The following HNF4A variants were observed in gnomAD, a reference collection of about 807,000 sequenced individuals.
HNF4A encodes hepatocyte nuclear factor 4 alpha.
In HNF4A, 15 loss-of-function variants were observed where a neutral mutation model predicts 52.4. The ratio of observed to expected loss-of-function variants is 0.29; its 90% CI spans 0.19 to 0.44. The LOEUF is 0.44. Among genes scored for constraint, HNF4A ranks in the 20% least tolerant of loss-of-function variants. The pLI, the probability that HNF4A is intolerant of heterozygous loss-of-function variation, is 1.00. For missense variants in HNF4A, 479 were observed against 647.2 expected, an observed-to-expected ratio of 0.74 and a Z score of 2.82; for synonymous variants, 280 against 264.4, an observed-to-expected ratio of 1.06 and a Z score of -0.57.
At chr20:44,416,616 A>G (rs2063668946) in intron 5 of HNF4A, among the ~76,000 whole-genome samples, 1 of 152,208 alleles carries the variant, frequency 6.6e-6, no homozygotes, top group South Asian at 2.1e-4. Context: ...TTTTCCTCAC[A>G]GGTTTCTATC....
intron 1 of HNF4A, among the ~76,000 whole-genome samples, chr20:44,368,142 A>G (rs1196645982): frequency 8.4e-4 from 5 of 5,970 alleles, no homozygotes; most frequent in African/African-American, 3.9e-3. Flanking sequence ...GTGTATATAC[A>G]TATATATATA....
chr20:44,423,469 T>A lies in HNF4A; in HGVS notation c.893-549T>A, dbSNP rs548100514. On this transcript the variant is annotated intron_variant, in intron 7 of 9. Transcript: ENST00000316099. ...AAACAGGAGGGACACAGGATACAGATATAGGAGGGTAGAAGGCAGACTTCC... is the reference window on the plus strand; with the variant it reads ...AAACAGGAGGGACACAGGATACAGAAATAGGAGGGTAGAAGGCAGACTTCC... Among the ~76,000 whole-genome samples, 20 of 152,122 alleles carry A rather than the reference T, an allele frequency of 1.3e-4. No individual in the cohort carries two copies. The East Asian group carries it at 3.3e-3, about 25-fold the overall frequency.
At chr20:44,429,454 G>A in intron 9 of HNF4A, 69 bp from the exon 10 acceptor site, 1 of 1,595,712 alleles carries the variant, frequency 6.3e-7, no homozygotes, top group Non-Finnish European at 8.6e-7. Flanking sequence ...AACTTTCCCG[G>A]GCCTCTTCAT....
At chr20:44,415,480 C>T (rs1467761605) in intron 5 of HNF4A, among the ~76,000 whole-genome samples, 1 of 152,112 alleles carries the variant, frequency 6.6e-6, no homozygotes, top group Non-Finnish European at 1.5e-5. Flanking sequence ...TTCGGAGATG[C>T]CACCTATGAA....
intron 6 of HNF4A, 54 bp downstream of exon 6, chr20:44,418,566 G>A: frequency 7.5e-7 from 1 of 1,336,602 alleles, no homozygotes; most frequent in Non-Finnish European, 1.1e-6. Context: ...GCCTAGCATG[G>A]CACTCACCCA....
At chr20:44,407,232 C>T in intron 2 of HNF4A, 149 bp from the exon 3 acceptor site, 1 of 714,478 alleles carries the variant, frequency 1.4e-6, no homozygotes. Flanking sequence ...AGCACCTTTC[C>T]AGCTCCTGGT....
At chr20:44,420,604 A>G (rs903417456) in intron 7 of HNF4A, among the ~76,000 whole-genome samples, 6 of 151,932 alleles carry the variant, frequency 3.9e-5, no homozygotes, top group African/African-American at 1.5e-4. Context: ...ACATAACAAG[A>G]CCTCGTCTCT....
At chr20:44,371,992 T>C (rs866691449) in intron 1 of HNF4A, among the ~76,000 whole-genome samples, 1 of 152,212 alleles carries the variant, frequency 6.6e-6, no homozygotes. Context: ...CGGAAACTTA[T>C]TAATGAACAT....
chr20:44,360,146 C>T (rs1404719249), intron 1 of HNF4A, among the ~76,000 whole-genome samples: 3 of 152,016 alleles, frequency 2.0e-5, no homozygotes, highest in Admixed American at 1.3e-4. Flanking sequence ...CCCATGTAGA[C>T]CTTGATTGAA....
intron 1 of HNF4A, among the ~76,000 whole-genome samples, chr20:44,368,143 T>TAC: frequency 6.7e-5 from 1 of 14,898 alleles, no homozygotes; most frequent in East Asian, 1.7e-3. Context: ...TGTATATACA[T>TAC]ATATATATAT....
rs529305759 is a variant in HNF4A, at chr20:44,413,821, C to T, written c.492+21C>T. On this transcript the variant is annotated intron_variant, in intron 4 of 9. Coordinates refer to ENST00000316099, the MANE Select transcript of HNF4A (RefSeq NM_000457.6). ...GACAGGTACCGGGGTGATCCTGCCA[C>T]CCACCCAGGGATCCCCCACACTACA... is the stretch of plus-strand genomic sequence containing the variant. 1.4e-5 allele frequency: 22 copies of T among 1,517,884 alleles called. No homozygotes were observed. In the African/African-American group the frequency reaches 2.2e-4, roughly 15 times the overall value. 94.0% of individuals were successfully genotyped at this position (1,517,884 alleles called of 1,614,324 possible). A position where few individuals can be genotyped will look rare whatever the true frequency, so the allele number is the denominator to read the frequency against.
chr20:44,405,925 G>A (rs2063493024), intron 1 of HNF4A, 133 bp from the exon 2 acceptor site: 2 of 838,094 alleles, frequency 2.4e-6, no homozygotes, highest in African/African-American at 3.3e-5. Flanking sequence ...GTCACTGAGT[G>A]GGGAGGTGAT....
At chr20:44,419,617 C>T in intron 6 of HNF4A, 104 bp from the exon 7 acceptor site, 1 of 1,056,250 alleles carries the variant, frequency 9.5e-7, no homozygotes, top group South Asian at 1.3e-5. Context: ...TGCAGGTCCT[C>T]CTCCCACAGG....
intron 1 of HNF4A, chr20:44,402,643 A>G: frequency 7.4e-7 from 1 of 1,357,810 alleles, no homozygotes; most frequent in East Asian, 4.6e-5. Context: ...CTCCACAGGG[A>G]GGTAGGGGAA....
At chr20:44,370,095 C>G (rs1162296042) in intron 1 of HNF4A, among the ~76,000 whole-genome samples, 2 of 152,076 alleles carry the variant, frequency 1.3e-5, no homozygotes, top group East Asian at 3.9e-4. Flanking sequence ...GGCGCGATCT[C>G]GGCTCACTGC....
At chr20:44,369,630 C>T (rs1194849509) in intron 1 of HNF4A, among the ~76,000 whole-genome samples, 1 of 152,070 alleles carries the variant, frequency 6.6e-6, no homozygotes, top group African/African-American at 2.4e-5. Flanking sequence ...AGCTTTGTAT[C>T]GCCCTTCAAA....
Position 44,422,133 on chromosome 20 carries a change from T to C in HNF4A, c.893-1885T>C, listed in dbSNP as rs1056463962. On this transcript the variant is annotated intron_variant, in intron 7 of 9. Transcript: ENST00000316099. Reference sequence around the variant, plus strand: ...TTGGATTTGAACTTCAGACCACCTGTCAATCCCAATTTCTCTCTCTCAAGC... The same window carrying C: ...TTGGATTTGAACTTCAGACCACCTGCCAATCCCAATTTCTCTCTCTCAAGC... Among the ~76,000 whole-genome samples, 3 of 152,062 alleles carry C rather than the reference T, an allele frequency of 2.0e-5. No homozygotes were observed. The East Asian group carries it at 5.8e-4, about 29-fold the overall frequency.
chr20:44,402,586 G>A (rs754220058), intron 1 of HNF4A: 5 of 1,365,834 alleles, frequency 3.7e-6, no homozygotes, highest in Non-Finnish European at 4.9e-6. Context: ...CCAGATTGAG[G>A]CATCCCCTCC....
intron 1 of HNF4A, among the ~76,000 whole-genome samples, chr20:44,368,556 A>G (rs1242403016): frequency 2.6e-5 from 4 of 152,006 alleles, no homozygotes; most frequent in African/African-American, 9.7e-5. Flanking sequence ...TCCTCTGAAA[A>G]TGGGGTTAAT....
Sources: allele counts gnomAD v4.1 joint callset (sites outside exome capture counted in the v4.1 genomes callset), GRCh38; gene constraint gnomAD v4.1.1; transcripts MANE v1.5; gene names NCBI Gene and HGNC (gene_info 2026-07-23, HGNC 2026-07-21).